ZFAND6: variants seen among roughly 807,000 people sequenced by gnomAD.
The protein encoded by ZFAND6 is zinc finger AN1-type containing 6.
Under a neutral mutation model 24.5 loss-of-function variants are expected in ZFAND6, and 12 were observed. The observed-to-expected ratio is 0.49, with a 90% CI of 0.31 to 0.79. ZFAND6 has a LOEUF of 0.79. Ranked by LOEUF, ZFAND6 falls within the 30% of genes least tolerant of loss-of-function variation. The pLI is 0.04. For synonymous variants in ZFAND6, 92 were observed against 81.5 expected (o/e 1.13, Z -0.69); for missense variants, 207 against 245.9 (o/e 0.84, Z 1.06).
intron 6 of ZFAND6, among the ~76,000 whole-genome samples, chr15:80,135,977 T>C (rs560738242): frequency 6.6e-6 from 1 of 152,156 alleles, no homozygotes; most frequent in South Asian, 2.1e-4. Flanking sequence ...ATTTTTAAAA[T>C]TAGCTGATCA....
chr15:80,083,552 G>A (rs1460137133), intron 1 of ZFAND6, among the ~76,000 whole-genome samples: 1 of 152,190 alleles, frequency 6.6e-6, no homozygotes, highest in Non-Finnish European at 1.5e-5. Flanking sequence ...ACCAGAGTGA[G>A]TGAAAGGGAT....
At chr15:80,064,377 C>T (rs2036496855) in intron 1 of ZFAND6, among the ~76,000 whole-genome samples, 1 of 152,066 alleles carries the variant, frequency 6.6e-6, no homozygotes. Flanking sequence ...ATCTACCCTC[C>T]ATCTTTCCTT....
At chr15:80,132,439 A>G (rs2142056086) in intron 6 of ZFAND6, among the ~76,000 whole-genome samples, 2 of 152,346 alleles carry the variant, frequency 1.3e-5, no homozygotes, top group East Asian at 3.9e-4. Flanking sequence ...TTCATAGTCA[A>G]GAGAAATGTA....
chr15:80,134,470 C>T (rs1318447860), intron 6 of ZFAND6, among the ~76,000 whole-genome samples: 8 of 152,086 alleles, frequency 5.3e-5, no homozygotes, highest in Non-Finnish European at 1.0e-4. Flanking sequence ...AAAAGATTGT[C>T]AGTGCTATGG....
At chr15:80,095,917 C>T (rs1462114979) in intron 1 of ZFAND6, among the ~76,000 whole-genome samples, 3 of 152,184 alleles carry the variant, frequency 2.0e-5, no homozygotes, top group Non-Finnish European at 2.9e-5. Context: ...TTTCTGATAA[C>T]ATTCATTCAT....
rs1476942305 is a variant in ZFAND6 at position 80,098,458 on chromosome 15, A to G, written c.-138A>G. 1 of 152,202 alleles carries G rather than the reference A, an allele frequency of 6.6e-6. No individual in the cohort carries two copies. The highest frequency in any genetic ancestry group is 1.5e-5 in the Non-Finnish European group (1 of 68,030). The allele number at this position is 152,202 out of a possible 1,614,324, so 9.4% of individuals were successfully genotyped here. On this transcript the variant is annotated 5_prime_UTR_variant, in exon 2 of 7. The change abolishes the stop of an existing upstream ORF in the 5' untranslated region. Coordinates refer to ENST00000261749, the MANE Select transcript of ZFAND6 (RefSeq NM_019006.4). ...GCTGCAGTAAAACACAGAAGGCTTT[A>G]AAATGTTTTCTTGCATAAAATTCAA...
intron 1 of ZFAND6, among the ~76,000 whole-genome samples, chr15:80,088,732 A>G (rs1190884679): frequency 6.6e-5 from 10 of 152,096 alleles, no homozygotes; most frequent in Admixed American, 6.5e-4. Context: ...TTCTTTCTGG[A>G]TAAGAAAATT....
intron 2 of ZFAND6, among the ~76,000 whole-genome samples, chr15:80,110,353 A>G (rs368773291): frequency 1.3e-5 from 2 of 152,214 alleles, no homozygotes; most frequent in African/African-American, 4.8e-5. Flanking sequence ...ACAAATACCT[A>G]GGAATATCCA....
chr15:80,115,023 T>A (rs1041826867), intron 2 of ZFAND6: 4 of 152,170 alleles, frequency 2.6e-5, no homozygotes, highest in Admixed American at 6.5e-5. Context: ...GTTTTGTTTT[T>A]TAGATCAAAA....
At chr15:80,076,417 A>G (rs1368345126) in intron 1 of ZFAND6, among the ~76,000 whole-genome samples, 1 of 151,900 alleles carries the variant, frequency 6.6e-6, no homozygotes, top group Non-Finnish European at 1.5e-5. Flanking sequence ...ATAAGGCCAC[A>G]CGGTATGATT....
chr15:80,066,073 G>C lies in ZFAND6; in HGVS notation c.-181+6264G>C, dbSNP rs769614650. 4.5e-4 allele frequency among the ~76,000 whole-genome samples: 69 copies of C among 152,196 alleles called. 1 individual carries two copies. Among genetic ancestry groups the C allele is most frequent in the Non-Finnish European group, 3.8e-4 (26 of 68,018 alleles). ...CTGCTCCATCTAGACATTCTGCCAAGTGCTGAGGACACAACTATGTACAAG... is the reference window on the plus strand; with the variant it reads ...CTGCTCCATCTAGACATTCTGCCAACTGCTGAGGACACAACTATGTACAAG... On this transcript the variant is annotated intron_variant, in intron 1 of 6. Coordinates refer to ENST00000261749, the MANE Select transcript of ZFAND6 (RefSeq NM_019006.4).
At chr15:80,092,013 C>T (rs747863333) in intron 1 of ZFAND6, among the ~76,000 whole-genome samples, 1 of 152,146 alleles carries the variant, frequency 6.6e-6, no homozygotes. Context: ...TAGACATTTG[C>T]TCCCTGATAA....
Position 80,104,710 on chromosome 15 carries a change from A to G in ZFAND6, c.-18+6132A>G, listed in dbSNP as rs186710824. ...TGAGTCGCTGATTTTGTTTTTCTTA[A>G]GTAGTCATATTCTTCTTTGCATTAG... On this transcript the variant is annotated intron_variant, in intron 2 of 6. Coordinates refer to ENST00000261749, the MANE Select transcript of ZFAND6 (RefSeq NM_019006.4). Among the ~76,000 whole-genome samples the G allele has an allele frequency of 1.7e-3, 264 of 152,272 alleles. 1 individual carries two copies. Among genetic ancestry groups the G allele is most frequent in the African/African-American group, 5.9e-3 (244 of 41,550 alleles).
intron 1 of ZFAND6, among the ~76,000 whole-genome samples, chr15:80,096,815 A>G (rs2038750919): frequency 6.6e-6 from 1 of 152,184 alleles, no homozygotes; most frequent in Non-Finnish European, 1.5e-5. Context: ...GGGGAAAGGT[A>G]GTTATCTCAG....
chr15:80,072,495 T>G (rs767660682), intron 1 of ZFAND6: 9 of 152,044 alleles, frequency 5.9e-5, no homozygotes, highest in Non-Finnish European at 1.2e-4. Context: ...CAATCACAAT[T>G]ATCAGTTTCA....
intron 1 of ZFAND6, among the ~76,000 whole-genome samples, chr15:80,065,536 G>GTTTTTT (rs1341209807): frequency 4.7e-5 from 4 of 84,970 alleles, no homozygotes; most frequent in Admixed American, 1.4e-4. Flanking sequence ...TTTTGGTTTT[G>GTTTTTT]ATTTTTTTTT....
intron 6 of ZFAND6, among the ~76,000 whole-genome samples, chr15:80,136,225 G>A (rs2040855859): frequency 6.6e-6 from 1 of 151,962 alleles, no homozygotes; most frequent in Admixed American, 6.6e-5. Flanking sequence ...CCAGCACTTC[G>A]GGAGGCCTAG....
chr15:80,070,206 G>A (rs937386767), intron 1 of ZFAND6, among the ~76,000 whole-genome samples: 11 of 152,116 alleles, frequency 7.2e-5, no homozygotes, highest in African/African-American at 9.7e-5. Flanking sequence ...TTAATCAAAA[G>A]TGAAGTGGGA....
At chr15:80,133,589 T>C (rs2040718525) in intron 6 of ZFAND6, among the ~76,000 whole-genome samples, 2 of 152,156 alleles carry the variant, frequency 1.3e-5, no homozygotes, top group African/African-American at 4.8e-5. Context: ...GTTCCCAAAC[T>C]ACATTAAGAA....
Sources: allele counts gnomAD v4.1 joint callset (sites outside exome capture counted in the v4.1 genomes callset), GRCh38; gene constraint gnomAD v4.1.1; transcripts MANE v1.5; gene names NCBI Gene and HGNC (gene_info 2026-07-23, HGNC 2026-07-21).